The following SFT2D2 variants were observed in gnomAD, a reference collection of about 807,000 sequenced individuals.
SFT2D2 encodes SFT2 domain containing 2, also known as vesicle transport protein SFT2B.
SFT2D2 carries 21 observed loss-of-function variants against 27.4 expected under a neutral mutation model. The ratio of observed to expected loss-of-function variants is 0.77; its 90% CI spans 0.54 to 1.10. SFT2D2 has a LOEUF of 1.10. Among genes scored for constraint, SFT2D2 ranks in the 50% least tolerant of loss-of-function variants. SFT2D2 has a pLI of 0.00. For missense variants in SFT2D2, 187 were observed against 194.2 expected, an observed-to-expected ratio of 0.96 and a Z score of 0.22; for synonymous variants, 72 against 71.7, an observed-to-expected ratio of 1.00 and a Z score of -0.02.
intron 6 of SFT2D2, 26 bp from the exon 7 acceptor site, chr1:168,239,105 A>T (rs1647580620): frequency 1.3e-6 from 2 of 1,582,080 alleles, no homozygotes; most frequent in Non-Finnish European, 1.7e-6. Context: ...ATCTCATTTG[A>T]CCCTTTGTTT....
chr1:168,251,498 A>C lies in SFT2D2; in HGVS notation c.*8958A>C, dbSNP rs941057458. 6.6e-6 allele frequency: 1 copy of C among 152,142 alleles called. No homozygotes were observed. Among genetic ancestry groups the C allele is most frequent in the African/African-American group, 2.4e-5 (1 of 41,448 alleles). 9.4% of individuals were successfully genotyped at this position (152,142 alleles called of 1,614,324 possible). On this transcript the variant is annotated 3_prime_UTR_variant, in exon 8 of 8. Transcript: ENST00000271375. ...GAAATTGAAGGGCAGCCCAGTGGCT[A>C]TGGATTCTATTTTCTATGGGACTGT...
intron 6 of SFT2D2, 42 bp from the exon 7 acceptor site, chr1:168,239,085 TACTC>T: frequency 6.9e-7 from 1 of 1,445,324 alleles, no homozygotes; most frequent in Non-Finnish European, 9.7e-7. Context: ...GATAATCTGC[TACTC>T]CCTTCATCTC....
At chr1:168,235,067 C>CTGAACGGCTTGTG (rs767364654) in intron 3 of SFT2D2, 34 bp from the exon 4 acceptor site, 1 of 1,602,624 alleles carries the variant, frequency 6.2e-7, no homozygotes, top group African/African-American at 1.3e-5. Flanking sequence ...CAGTTCTGTT[C>CTGAACGGCTTGTG]TGAACGGCTT....
chr1:168,237,427 T>C lies in SFT2D2; in HGVS notation c.413+657T>C, dbSNP rs6663786. On this transcript the variant is annotated intron_variant, in intron 6 of 7. Transcript: ENST00000271375. Reference sequence around the variant, plus strand: ...GGGAAACCATGAGTGGGGCTGTAGGTTCATGGTCCTTTCAAGCCTATACGA... The same window carrying C: ...GGGAAACCATGAGTGGGGCTGTAGGCTCATGGTCCTTTCAAGCCTATACGA... Among the ~76,000 whole-genome samples, 1,413 of 152,096 alleles carry C rather than the reference T, an allele frequency of 9.3e-3. 24 individuals carry two copies. Among genetic ancestry groups the C allele is most frequent in the African/African-American group, 0.032 (1,322 of 41,460 alleles).
chr1:168,242,955 A>G lies in SFT2D2; in HGVS notation c.*415A>G, dbSNP rs897050933. The G allele has an allele frequency of 4.0e-5, 10 of 249,946 alleles. No homozygotes were observed. The highest frequency in any genetic ancestry group is 8.0e-5 in the Non-Finnish European group (10 of 125,748). The allele number at this position is 249,946 out of a possible 1,614,324, so 15.5% of individuals were successfully genotyped here. A position where few individuals can be genotyped will look rare whatever the true frequency, so the allele number is the denominator to read the frequency against. On this transcript the variant is annotated 3_prime_UTR_variant, in exon 8 of 8. Transcript: ENST00000271375. ...GAGTTTTGGGGTCCACTTGTCCCTC[A>G]GCATGGAAGCCATCACCGTGGTCCT...
chr1:168,241,344 A>G (rs1469019391), intron 7 of SFT2D2, among the ~76,000 whole-genome samples: 1 of 149,706 alleles, frequency 6.7e-6, no homozygotes, highest in African/African-American at 2.5e-5. Flanking sequence ...TGTGCACGCC[A>G]CCATGCCAGG....
intron 6 of SFT2D2, among the ~76,000 whole-genome samples, chr1:168,237,063 T>G: frequency 6.6e-6 from 1 of 152,202 alleles, no homozygotes; most frequent in East Asian, 1.9e-4. Context: ...CAAATATTAT[T>G]AAGCCACTCA....
intron 3 of SFT2D2, 63 bp downstream of exon 3, chr1:168,231,982 C>T: frequency 1.4e-6 from 2 of 1,437,002 alleles, no homozygotes; most frequent in Admixed American, 3.4e-5. Flanking sequence ...ATGTTGGTTG[C>T]CCTTGAGGGA....
rs527622731 is a variant in SFT2D2, at chr1:168,242,630, A to C, written c.*90A>C. 5 of 1,457,598 alleles carry C rather than the reference A, an allele frequency of 3.4e-6. No individual in the cohort carries two copies. In the South Asian group the frequency reaches 5.7e-5, roughly 17 times the overall value. The allele number at this position is 1,457,598 out of a possible 1,614,324, so 90.3% of individuals were successfully genotyped here. ...ACTATCTTCGAAACCTCTGTCTTAC[A>C]GACATGTGCCTTTTATCTTGCAGCA... On this transcript the variant is annotated 3_prime_UTR_variant, in exon 8 of 8. Coordinates refer to ENST00000271375, the MANE Select transcript of SFT2D2 (RefSeq NM_199344.3).
Position 168,244,693 on chromosome 1 carries a change from GAAGGGCTGTGGTGTCAGAAGGGA to G in SFT2D2, c.*2154_*2176del, listed in dbSNP as rs1327574232. On this transcript the variant is annotated 3_prime_UTR_variant, in exon 8 of 8. Transcript: ENST00000271375. ...AGGTGCCTCTTGGAGACAGATCTCAGAAGGGCTGTGGTGTCAGAAGGGACATGGAGGAGGTCAGGAGGGCTCAT... is the reference window on the plus strand; with the variant it reads ...AGGTGCCTCTTGGAGACAGATCTCAGCATGGAGGAGGTCAGGAGGGCTCAT... The G allele has an allele frequency of 6.6e-6, 1 of 152,210 alleles. No homozygotes were observed. The highest frequency in any genetic ancestry group is 1.5e-5 in the Non-Finnish European group (1 of 68,086). 9.4% of individuals were successfully genotyped at this position (152,210 alleles called of 1,614,324 possible).
intron 7 of SFT2D2, among the ~76,000 whole-genome samples, chr1:168,241,796 A>G (rs768242273): frequency 3.3e-5 from 5 of 152,158 alleles, no homozygotes; most frequent in Non-Finnish European, 7.4e-5. Flanking sequence ...ATTAAAATGC[A>G]GTGCCTACTC....
At position 168,242,507 on chromosome 1, in the gene SFT2D2, T is replaced by G. The variant is rs1335716074; in HGVS notation, c.450T>G (p.Ala150=). 5.0e-6 allele frequency: 8 copies of G among 1,614,218 alleles called. No homozygotes were observed. The highest frequency in any genetic ancestry group is 6.8e-6 in the Non-Finnish European group (8 of 1,180,026). Residue 150 remains alanine (A), a synonymous_variant, in exon 8 of 8, where the codon GCT becomes GCG. Transcript: ENST00000271375. ...SLSFIPFARD[A]VKKCFAVCLA is the part of the protein sequence containing the mutation. Reference sequence around the variant, plus strand: ...TGTGTCTTTTCTTTCCTAGGGATGCTGTGAAGAAGTGTTTTGCCGTGTGTC... The same window carrying G: ...TGTGTCTTTTCTTTCCTAGGGATGCGGTGAAGAAGTGTTTTGCCGTGTGTC...
intron 6 of SFT2D2, among the ~76,000 whole-genome samples, chr1:168,237,530 C>T (rs1431871992): frequency 6.6e-6 from 1 of 152,134 alleles, no homozygotes; most frequent in Non-Finnish European, 1.5e-5. Context: ...CAAAGTTTAT[C>T]AAGGGATGGT....
At chr1:168,226,914 G>A (rs1482864619) in intron 1 of SFT2D2, among the ~76,000 whole-genome samples, 1 of 152,090 alleles carries the variant, frequency 6.6e-6, no homozygotes, top group Non-Finnish European at 1.5e-5. Context: ...CTGCCTCCTG[G>A]GTTCAAGCGA....
Position 168,242,492 on chromosome 1 carries a change from C to T in SFT2D2, c.444-9C>T, listed in dbSNP as rs1054691301. On this transcript the variant is annotated splice_polypyrimidine_tract_variant and intron_variant, in intron 7 of 7. Coordinates refer to ENST00000271375, the MANE Select transcript of SFT2D2 (RefSeq NM_199344.3). ...CGTTCCACTCATCTTTGTGTCTTTT[C>T]TTTCCTAGGGATGCTGTGAAGAAGT... 1.9e-5 allele frequency: 31 copies of T among 1,613,822 alleles called. No individual in the cohort carries two copies. Among genetic ancestry groups the T allele is most frequent in the Non-Finnish European group, 2.6e-5 (31 of 1,179,978 alleles).
chr1:168,236,741 CT>C lies in SFT2D2; in HGVS notation c.385del (p.Cys129AlafsTer8), dbSNP rs769140394. 9 of 1,614,214 alleles carry C rather than the reference CT, an allele frequency of 5.6e-6. No individual in the cohort carries two copies. The highest frequency in any genetic ancestry group is 7.6e-6 in the Non-Finnish European group (9 of 1,180,042). On this transcript the variant is annotated frameshift_variant, in exon 6 of 8. Coordinates refer to ENST00000271375, the MANE Select transcript of SFT2D2 (RefSeq NM_199344.3). LOFTEE classifies it high-confidence loss of function. ...WHNKGLALIF[C>X]ILQSLALTWY... ...ATAACAAGGGACTTGCACTTATCTT[CT>C]GCATTTTGCAGTCTTTGGCATTGAC...
intron 6 of SFT2D2, 31 bp downstream of exon 6, chr1:168,236,801 C>T: frequency 6.2e-7 from 1 of 1,606,792 alleles, no homozygotes; most frequent in Non-Finnish European, 8.5e-7. Flanking sequence ...TCCCCTCCCA[C>T]ATAGCCCACT....
At chr1:168,227,938 GT>G (rs1472271737) in intron 1 of SFT2D2, among the ~76,000 whole-genome samples, 1 of 152,192 alleles carries the variant, frequency 6.6e-6, no homozygotes, top group Non-Finnish European at 1.5e-5. Flanking sequence ...TGCTGAGCTT[GT>G]TTTTAACCTA....
rs552935487 is a variant in SFT2D2, at chr1:168,244,665, C to G, written c.*2125C>G. On this transcript the variant is annotated 3_prime_UTR_variant, in exon 8 of 8. Coordinates refer to ENST00000271375, the MANE Select transcript of SFT2D2 (RefSeq NM_199344.3). ...TGGCTTTTGTGGGATTCTTTCACAT[C>G]CCAGGTGCCTCTTGGAGACAGATCT... 2 of 152,398 alleles carry G rather than the reference C, an allele frequency of 1.3e-5. No homozygotes were observed. The highest frequency in any genetic ancestry group is 3.9e-4 in the East Asian group (2 of 5,176). 9.4% of individuals were successfully genotyped at this position (152,398 alleles called of 1,614,324 possible).
Sources: allele counts gnomAD v4.1 joint callset (sites outside exome capture counted in the v4.1 genomes callset), GRCh38; gene constraint gnomAD v4.1.1; transcripts MANE v1.5; gene names NCBI Gene and HGNC (gene_info 2026-07-23, HGNC 2026-07-21).